The following STPG2 variants were observed in gnomAD, a reference collection of about 807,000 sequenced individuals.
STPG2 encodes the protein sperm-tail PG-rich repeat-containing protein 2.
A neutral mutation model predicts 54.2 loss-of-function variants in STPG2; 56 were observed. That is an observed-to-expected ratio of 1.03 (90% CI 0.83 to 1.29). The LOEUF (loss-of-function observed/expected upper bound fraction) is 1.29. STPG2 is among the 50% of genes most tolerant of loss of function. The pLI is 0.00. For missense variants in STPG2, 596 were observed against 544.9 expected (o/e 1.09, Z -0.93); for synonymous variants, 200 against 181.8 (o/e 1.10, Z -0.81).
intron 9 of STPG2, among the ~76,000 whole-genome samples, chr4:97,782,102 C>T (rs917534138): frequency 2.0e-5 from 3 of 152,028 alleles, no homozygotes; most frequent in African/African-American, 7.2e-5. Flanking sequence ...CAGGAGAAAT[C>T]AATAAAGGGT....
At chr4:97,847,899 AC>A (rs1729006523) in intron 8 of STPG2, among the ~76,000 whole-genome samples, 1 of 152,126 alleles carries the variant, frequency 6.6e-6, no homozygotes, top group African/African-American at 2.4e-5. Flanking sequence ...CTCACCTTAG[AC>A]TTTTCTGTCC....
At chr4:98,132,741 A>G (rs1318472543) in intron 2 of STPG2, among the ~76,000 whole-genome samples, 1 of 152,076 alleles carries the variant, frequency 6.6e-6, no homozygotes, top group Non-Finnish European at 1.5e-5. Context: ...CTGAGGATAT[A>G]GTTCTAGTAA....
At chr4:97,715,978 G>C (rs990058061) in intron 9 of STPG2, among the ~76,000 whole-genome samples, 3 of 152,016 alleles carry the variant, frequency 2.0e-5, no homozygotes, top group Non-Finnish European at 4.4e-5. Context: ...AATCTACAAA[G>C]AATTCAAACA....
chr4:97,957,250 T>G (rs1453388782), intron 7 of STPG2, among the ~76,000 whole-genome samples: 2 of 141,854 alleles, frequency 1.4e-5, no homozygotes, highest in Non-Finnish European at 3.1e-5. Context: ...AAAACTTCAG[T>G]AAACAATGGA....
At chr4:97,853,400 C>T (rs932188533) in intron 8 of STPG2, among the ~76,000 whole-genome samples, 1 of 152,082 alleles carries the variant, frequency 6.6e-6, no homozygotes, top group Non-Finnish European at 1.5e-5. Context: ...ACATTCTGCA[C>T]ATGTATCCCA....
chr4:97,654,079 G>C (rs186143114), intron 10 of STPG2, among the ~76,000 whole-genome samples: 9 of 152,300 alleles, frequency 5.9e-5, no homozygotes, highest in African/African-American at 2.2e-4. Flanking sequence ...TACTATGTGA[G>C]AAGGCAGAGT....
intron 10 of STPG2, among the ~76,000 whole-genome samples, chr4:97,615,198 A>C (rs1733828240): frequency 6.6e-6 from 1 of 152,062 alleles, no homozygotes; most frequent in Non-Finnish European, 1.5e-5. Flanking sequence ...TCTCTTTTTA[A>C]ACTGATGACT....
At chr4:97,654,507 C>T (rs955088504) in intron 10 of STPG2, among the ~76,000 whole-genome samples, 5 of 152,068 alleles carry the variant, frequency 3.3e-5, no homozygotes, top group African/African-American at 1.2e-4. Flanking sequence ...ACAATTGCAA[C>T]TCTACCCTTT....
chr4:97,787,059 A>T (rs1426188806), intron 9 of STPG2, among the ~76,000 whole-genome samples: 1 of 152,056 alleles, frequency 6.6e-6, no homozygotes, highest in Non-Finnish European at 1.5e-5. Flanking sequence ...GTTTTATTTG[A>T]CCTTTCATCC....
chr4:97,991,430 A>AGTGTGTGTGT (rs150498433), intron 5 of STPG2, among the ~76,000 whole-genome samples: 13 of 141,494 alleles, frequency 9.2e-5, no homozygotes, highest in African/African-American at 1.3e-4. Context: ...AATACTACTC[A>AGTGTGTGTGT]GTGTGTGTGT....
downstream of STPG2, among the ~76,000 whole-genome samples, chr4:97,554,734 G>A (rs527799623): frequency 2.9e-4 from 44 of 152,264 alleles, no homozygotes; most frequent in East Asian, 7.9e-3. Flanking sequence ...ACTATAAATA[G>A]TTATGCTACC....
At chr4:97,468,426 G>T (rs1384285334) in intron 4 of STPG2, among the ~76,000 whole-genome samples, 1 of 151,984 alleles carries the variant, frequency 6.6e-6, no homozygotes, top group African/African-American at 2.4e-5. Context: ...ATCCGAAAAT[G>T]AGCTTAATTG....
At chr4:97,820,977 C>A (rs1271245404) in intron 9 of STPG2, among the ~76,000 whole-genome samples, 1 of 152,170 alleles carries the variant, frequency 6.6e-6, no homozygotes, top group Non-Finnish European at 1.5e-5. Flanking sequence ...ATCTCATGTT[C>A]TTCTCACATT....
chr4:97,964,329 A>G, intron 7 of STPG2, among the ~76,000 whole-genome samples: 1 of 152,136 alleles, frequency 6.6e-6, no homozygotes, highest in East Asian at 1.9e-4. Context: ...CAGTAAGCAC[A>G]CCCTTTGCTG....
At chr4:97,766,197 T>C (rs1387114780) in intron 9 of STPG2, among the ~76,000 whole-genome samples, 4 of 152,124 alleles carry the variant, frequency 2.6e-5, no homozygotes, top group Non-Finnish European at 5.9e-5. Context: ...CCATGTCCTA[T>C]AGACCAACTG....
At chr4:97,558,039 T>C (rs901045732), downstream of STPG2, among the ~76,000 whole-genome samples, 1 of 152,208 alleles carries the variant, frequency 6.6e-6, no homozygotes, top group Non-Finnish European at 1.5e-5. Context: ...TAGTTGTCAC[T>C]TTACATAAGA....
intron 10 of STPG2, among the ~76,000 whole-genome samples, chr4:97,585,101 C>CAAAAAAAAA (rs60854805): frequency 4.8e-4 from 22 of 46,254 alleles, no homozygotes; most frequent in East Asian, 3.9e-3. Context: ...AAAATATTCT[C>CAAAAAAAAA]AAAAAAAAAA....
chr4:97,882,002 A>G (rs1005148326), intron 8 of STPG2, among the ~76,000 whole-genome samples: 4 of 152,152 alleles, frequency 2.6e-5, no homozygotes, highest in African/African-American at 9.7e-5. Flanking sequence ...CTGAAATTTA[A>G]TGAAAGGCAG....
At chr4:97,496,989 T>C (rs1730625302) in intron 4 of STPG2, among the ~76,000 whole-genome samples, 1 of 147,870 alleles carries the variant, frequency 6.8e-6, no homozygotes, top group African/African-American at 2.5e-5. Flanking sequence ...TCTTTTCCTT[T>C]TTTTTTTTTT....
Sources: gnomAD v4.1 joint callset for allele counts (sites outside exome capture counted in the v4.1 genomes callset) on GRCh38, gnomAD v4.1.1 for gene constraint, MANE v1.5 for transcripts, NCBI Gene and HGNC (gene_info 2026-07-23, HGNC 2026-07-21) for gene names.